BMP5: variants seen among roughly 807,000 people sequenced by gnomAD.
BMP5 encodes bone morphogenetic protein 5.
BMP5 carries 23 observed loss-of-function variants against 46.6 expected under a neutral mutation model. The ratio of observed to expected loss-of-function variants is 0.49; its 90% confidence interval spans 0.35 to 0.70. The LOEUF is 0.70. Among genes scored for constraint, BMP5 ranks in the 30% least tolerant of loss-of-function variants. BMP5 has a pLI of 0.00. For synonymous variants in BMP5, 204 were observed against 191.9 expected (o/e 1.06, Z -0.52); for missense variants, 545 against 565.6 (o/e 0.96, Z 0.37).
chr6:55,819,193 A>G (rs1776350406), intron 2 of BMP5, among the ~76,000 whole-genome samples: 1 of 152,228 alleles, frequency 6.6e-6, no homozygotes, highest in Admixed American at 6.5e-5. Flanking sequence ...ATTCCGAATT[A>G]ACCAACTTAT....
chr6:55,782,826 C>T (rs1013757653), intron 3 of BMP5, among the ~76,000 whole-genome samples: 90 of 152,094 alleles, frequency 5.9e-4, no homozygotes, highest in African/African-American at 1.9e-3. Flanking sequence ...GATTTGTATA[C>T]ATCTTATTTA....
At chr6:55,757,693 T>A (rs1774643645) in intron 6 of BMP5, among the ~76,000 whole-genome samples, 1 of 151,952 alleles carries the variant, frequency 6.6e-6, no homozygotes, top group Non-Finnish European at 1.5e-5. Context: ...GGCACTAAAG[T>A]AGGCATTCTC....
intron 1 of BMP5, among the ~76,000 whole-genome samples, chr6:55,830,379 C>T (rs4715566): frequency 1 from 151,556 of 152,118 alleles, 75,500 homozygotes; most frequent in Middle Eastern, 1. Context: ...TTTGGGTTGA[C>T]ATGGTTTCAC....
intron 4 of BMP5, among the ~76,000 whole-genome samples, chr6:55,761,374 C>T (rs2127516089): frequency 6.6e-6 from 1 of 152,152 alleles, no homozygotes; most frequent in African/African-American, 2.4e-5. Flanking sequence ...TACATCACTT[C>T]CCTGCCAGTC....
Position 55,864,595 on chromosome 6 carries a change from T to G in BMP5, c.490+9781A>C, listed in dbSNP as rs571060363. Among the ~76,000 whole-genome samples the G allele has an allele frequency of 3.3e-5, 5 of 152,254 alleles. No individual in the cohort carries two copies. In the South Asian group the frequency reaches 8.3e-4, roughly 25 times the overall value. ...AAACAAACTTTTCCTTATAAATTACTCAGTCTCAGGTATTGTGTTACATCA... is the reference window on the plus strand; with the variant it reads ...AAACAAACTTTTCCTTATAAATTACGCAGTCTCAGGTATTGTGTTACATCA... On this transcript the variant is annotated intron_variant, in intron 1 of 6. Coordinates refer to ENST00000370830, the MANE Select transcript of BMP5 (RefSeq NM_021073.4).
In BMP5 at chr6:55,755,012, A is replaced by G. The variant is rs1055310712; in HGVS notation, c.*521T>C. On this transcript the variant is annotated 3_prime_UTR_variant, in exon 7 of 7. Coordinates refer to ENST00000370830, the MANE Select transcript of BMP5 (RefSeq NM_021073.4). ...CGTTTATTTATTCAAATCCAGTTCA[A>G]CATTTCACTTTATCTAATGAAGCAG... The G allele has an allele frequency of 5.2e-5, 8 of 152,558 alleles. No individual in the cohort carries two copies. Among genetic ancestry groups the G allele is most frequent in the African/African-American group, 1.9e-4 (8 of 41,438 alleles). 9.5% of individuals were successfully genotyped at this position (152,558 alleles called of 1,614,324 possible).
intron 1 of BMP5, among the ~76,000 whole-genome samples, chr6:55,845,707 T>C (rs1313636665): frequency 1.3e-5 from 2 of 151,844 alleles, no homozygotes; most frequent in African/African-American, 2.4e-5. Flanking sequence ...GGGAGAGAGG[T>C]TGTGATGCTT....
At chr6:55,780,438 G>C (rs1775282578) in intron 3 of BMP5, among the ~76,000 whole-genome samples, 2 of 94,984 alleles carry the variant, frequency 2.1e-5, no homozygotes, top group Admixed American at 3.3e-4. Context: ...GGTTAACACA[G>C]TGAAACCCCA....
chr6:55,755,912 T>C (rs1357344266), intron 6 of BMP5, among the ~76,000 whole-genome samples: 2 of 151,880 alleles, frequency 1.3e-5, no homozygotes, highest in East Asian at 3.9e-4. Flanking sequence ...TTGAAAAATA[T>C]CTCACCAAAT....
intron 1 of BMP5, among the ~76,000 whole-genome samples, chr6:55,849,467 G>C (rs1777172762): frequency 6.6e-6 from 1 of 152,030 alleles, no homozygotes; most frequent in Non-Finnish European, 1.5e-5. Flanking sequence ...TAACATGAGA[G>C]TAAGCAACAC....
chr6:55,800,056 A>G (rs1323108521), intron 2 of BMP5, among the ~76,000 whole-genome samples: 1 of 152,210 alleles, frequency 6.6e-6, no homozygotes, highest in African/African-American at 2.4e-5. Flanking sequence ...GTATACACAC[A>G]CACACAACCT....
chr6:55,783,145 A>G (rs566426481), intron 3 of BMP5, among the ~76,000 whole-genome samples: 2 of 152,172 alleles, frequency 1.3e-5, no homozygotes, highest in African/African-American at 2.4e-5. Flanking sequence ...GAAGATGAAG[A>G]CTCAATACTT....
intron 1 of BMP5, among the ~76,000 whole-genome samples, chr6:55,870,923 AAC>A (rs1355127780): frequency 6.6e-6 from 1 of 152,066 alleles, no homozygotes; most frequent in Non-Finnish European, 1.5e-5. Context: ...ACCATTAATA[AAC>A]TCAAAGTTCA....
At chr6:55,871,360 C>T (rs1263163188) in intron 1 of BMP5, among the ~76,000 whole-genome samples, 1 of 151,780 alleles carries the variant, frequency 6.6e-6, no homozygotes, top group Non-Finnish European at 1.5e-5. Flanking sequence ...TACTATGAGA[C>T]TGATAAAAGT....
chr6:55,820,488 G>T (rs1166567559), intron 1 of BMP5, among the ~76,000 whole-genome samples: 3 of 151,468 alleles, frequency 2.0e-5, no homozygotes, highest in Non-Finnish European at 4.4e-5. Context: ...TATGATCACC[G>T]CTCACTGACG....
chr6:55,762,603 T>C (rs1332479617), intron 4 of BMP5, among the ~76,000 whole-genome samples: 2 of 152,130 alleles, frequency 1.3e-5, no homozygotes, highest in Non-Finnish European at 2.9e-5. Context: ...CAGCTAACTT[T>C]GTTCAGGCAA....
intron 1 of BMP5, among the ~76,000 whole-genome samples, chr6:55,831,235 T>A (rs1479296271): frequency 6.6e-6 from 1 of 152,090 alleles, no homozygotes; most frequent in Non-Finnish European, 1.5e-5. Flanking sequence ...AGAAACAGCA[T>A]CCTAAAGGGA....
At chr6:55,853,273 T>C (rs1230914480) in intron 1 of BMP5, among the ~76,000 whole-genome samples, 1 of 151,784 alleles carries the variant, frequency 6.6e-6, no homozygotes, top group Admixed American at 6.6e-5. Flanking sequence ...ATATTATTTA[T>C]CATATGAGTA....
At chr6:55,864,326 T>TG (rs1315181867) in intron 1 of BMP5, among the ~76,000 whole-genome samples, 1 of 152,126 alleles carries the variant, frequency 6.6e-6, no homozygotes, top group Non-Finnish European at 1.5e-5. Context: ...GAAAGGTGCT[T>TG]GGATTATGAA....
Sources: gnomAD v4.1 joint callset for allele counts (sites outside exome capture counted in the v4.1 genomes callset) on GRCh38, gnomAD v4.1.1 for gene constraint, MANE v1.5 for transcripts, NCBI Gene and HGNC (gene_info 2026-07-23, HGNC 2026-07-21) for gene names.